SNRPN: variants seen among roughly 807,000 people sequenced by gnomAD.
The protein encoded by SNRPN is small nuclear ribonucleoprotein-associated protein N.
SNRPN carries 7 observed loss-of-function variants against 25.2 expected under a neutral mutation model. That is an observed-to-expected ratio of 0.28 (90% CI 0.16 to 0.52). The LOEUF is 0.52. Ranked by LOEUF, SNRPN falls within the 20% of genes least tolerant of loss-of-function variation. SNRPN has a pLI of 0.96. For synonymous variants in SNRPN, 124 were observed against 110.6 expected, an observed-to-expected ratio of 1.12 and a Z score of -0.76; for missense variants, 196 against 322.5, an observed-to-expected ratio of 0.61 and a Z score of 3.00.
At chr15:24,943,414 A>G (rs1324994376) in intron 3 of SNRPN, among the ~76,000 whole-genome samples, 6 of 152,122 alleles carry the variant, frequency 3.9e-5, no homozygotes, top group Non-Finnish European at 8.8e-5. Context: ...GGAACCCCCC[A>G]TGAGCCATAG....
At chr15:24,906,171 G>A (rs892239942) in intron 2 of SNRPN, among the ~76,000 whole-genome samples, 4 of 152,014 alleles carry the variant, frequency 2.6e-5, no homozygotes, top group Non-Finnish European at 5.9e-5. Flanking sequence ...TGTCACCCTG[G>A]CTGGAGTTCA....
intron 1 of SNRPN, among the ~76,000 whole-genome samples, chr15:24,865,977 C>T (rs7170016): frequency 0.33 from 49,534 of 151,898 alleles, 9,306 homozygotes; most frequent in African/African-American, 0.5. Context: ...TTGAAGTCAC[C>T]GACCGTAATA....
At chr15:24,925,109 G>A (rs76610616) in intron 3 of SNRPN, among the ~76,000 whole-genome samples, 4,790 of 152,158 alleles carry the variant, frequency 0.031, 239 homozygotes, top group African/African-American at 0.1. Context: ...ATAGAATTGT[G>A]TATGAAGGCT....
At chr15:24,884,792 G>A (rs1453606530) in intron 1 of SNRPN, among the ~76,000 whole-genome samples, 1 of 152,092 alleles carries the variant, frequency 6.6e-6, no homozygotes, top group African/African-American at 2.4e-5. Context: ...AATGTTTGTA[G>A]GGGAGACTCA....
At chr15:24,859,660 C>T (rs1034727623) in intron 1 of SNRPN, among the ~76,000 whole-genome samples, 39 of 152,126 alleles carry the variant, frequency 2.6e-4, no homozygotes, top group Non-Finnish European at 3.4e-4. Context: ...GGCCAGTCTG[C>T]AGAGTAAAGT....
At chr15:24,864,644 A>C (rs1392238560) in intron 1 of SNRPN, among the ~76,000 whole-genome samples, 2 of 132,446 alleles carry the variant, frequency 1.5e-5, no homozygotes, top group South Asian at 2.5e-4. Flanking sequence ...GTGCCTGGCC[A>C]ATGTTTTTTT....
intron 2 of SNRPN, among the ~76,000 whole-genome samples, chr15:24,842,269 C>T (rs1416017312): frequency 6.6e-6 from 1 of 152,156 alleles, no homozygotes; most frequent in Admixed American, 6.5e-5. Flanking sequence ...ATCACTATAC[C>T]AGCCATCAGG....
chr15:24,889,907 G>A (rs1364712486), intron 2 of SNRPN, among the ~76,000 whole-genome samples: 4 of 151,540 alleles, frequency 2.6e-5, no homozygotes, highest in East Asian at 2.0e-4. Context: ...AAAATTAGCC[G>A]GGTGTGGTGG....
At chr15:24,958,269 C>T (rs549104137) in intron 1 of SNRPN, among the ~76,000 whole-genome samples, 39 of 151,964 alleles carry the variant, frequency 2.6e-4, no homozygotes, top group Admixed American at 7.2e-4. Flanking sequence ...TTATCAGCGC[C>T]CTCTGTTTAG....
chr15:24,957,550 A>C (rs1442410605), intron 1 of SNRPN, among the ~76,000 whole-genome samples: 2 of 152,196 alleles, frequency 1.3e-5, no homozygotes, highest in East Asian at 1.9e-4. Context: ...CAGGATTTTC[A>C]GTGCTTGCCT....
intron 1 of SNRPN, 122 bp from the exon 2 acceptor site, chr15:24,961,992 C>T: frequency 2.2e-6 from 2 of 897,318 alleles, no homozygotes; most frequent in South Asian, 2.8e-5. Flanking sequence ...ATAATTTTAC[C>T]TTGTTTTAAT....
chr15:24,932,305 G>A (rs2152884946), intron 3 of SNRPN, among the ~76,000 whole-genome samples: 1 of 152,252 alleles, frequency 6.6e-6, no homozygotes, highest in South Asian at 2.1e-4. Flanking sequence ...TGCGATCTTG[G>A]CTCACTGCAC....
chr15:24,975,105 C>T (rs148863802), intron 4 of SNRPN: 3 of 634,192 alleles, frequency 4.7e-6, no homozygotes, highest in African/African-American at 3.6e-5. Flanking sequence ...GAGCATGCAT[C>T]GTCACAGAGA....
At chr15:24,841,198 T>C (rs1355238225) in intron 2 of SNRPN, among the ~76,000 whole-genome samples, 2 of 152,094 alleles carry the variant, frequency 1.3e-5, no homozygotes, top group African/African-American at 4.8e-5. Context: ...GTGTCATTGT[T>C]CCATTTAGTA....
chr15:24,902,914 T>G (rs1275075202), intron 2 of SNRPN, among the ~76,000 whole-genome samples: 1 of 152,234 alleles, frequency 6.6e-6, no homozygotes, highest in African/African-American at 2.4e-5. Context: ...TTGCCACTGC[T>G]GGCTCCGGTG....
chr15:24,961,002 T>C (rs1470921722), intron 1 of SNRPN, among the ~76,000 whole-genome samples: 1 of 152,214 alleles, frequency 6.6e-6, no homozygotes, highest in Non-Finnish European at 1.5e-5. Flanking sequence ...ACTAGAAACT[T>C]AGCTGTATGT....
At chr15:24,974,941 A>G in intron 4 of SNRPN, 2 of 703,018 alleles carry the variant, frequency 2.8e-6, no homozygotes, top group South Asian at 3.0e-5. Context: ...ACTGTCCTGC[A>G]GATGATGGAC....
At chr15:24,896,389 A>C (rs1024964278) in intron 2 of SNRPN, among the ~76,000 whole-genome samples, 1 of 152,192 alleles carries the variant, frequency 6.6e-6, no homozygotes, top group Non-Finnish European at 1.5e-5. Flanking sequence ...GTGCAGATGT[A>C]ATTAAAGAAA....
chr15:24,896,042 C>T (rs1015747954), intron 2 of SNRPN, among the ~76,000 whole-genome samples: 2 of 152,154 alleles, frequency 1.3e-5, no homozygotes, highest in East Asian at 3.9e-4. Flanking sequence ...CTTGCATGGG[C>T]AAGCTATTAG....
Sources: allele counts gnomAD v4.1 joint callset (sites outside exome capture counted in the v4.1 genomes callset), GRCh38; gene constraint gnomAD v4.1.1; transcripts MANE v1.5; gene names NCBI Gene and HGNC (gene_info 2026-07-23, HGNC 2026-07-21).